The following ALAS2 variants were observed in gnomAD, a reference collection of about 807,000 sequenced individuals.
ALAS2 encodes the protein 5-aminolevulinate synthase, erythroid-specific, mitochondrial.
A neutral mutation model predicts 33.7 loss-of-function variants in ALAS2; 3 were observed. The ratio of observed to expected loss-of-function variants is 0.09; its 90% CI spans 0.04 to 0.23. The LOEUF is 0.23. Among genes scored for constraint, ALAS2 ranks in the 10% least tolerant of loss-of-function variants. ALAS2 has a pLI of 1.00. For missense variants in ALAS2, 304 were observed against 475.1 expected, an observed-to-expected ratio of 0.64 and a Z score of 3.35; for synonymous variants, 191 against 177.3, an observed-to-expected ratio of 1.08 and a Z score of -0.61.
At chrX:55,021,716 C>T (rs1283201357) in intron 4 of ALAS2, among the ~76,000 whole-genome samples, 1 of 111,703 alleles carries the variant, frequency 9.0e-6, no homozygotes, top group African/African-American at 3.3e-5. Context: ...TAATACTTTC[C>T]TTGGAGAGTT....
intron 3 of ALAS2, 29 bp downstream of exon 3, chrX:55,024,689 G>C: frequency 8.3e-7 from 1 of 1,210,197 alleles, no homozygotes. Context: ...TAGGAGTAAA[G>C]GTTGCATAAG....
At chrX:55,027,386 AG>A (rs1935909461) in intron 1 of ALAS2, among the ~76,000 whole-genome samples, 1 of 110,496 alleles carries the variant, frequency 9.1e-6, no homozygotes, top group Admixed American at 9.7e-5. Context: ...ACAAGATCAA[AG>A]GATAGAGACA....
At chrX:55,014,542 A>G (rs1454830791) in intron 9 of ALAS2, among the ~76,000 whole-genome samples, 2 of 112,665 alleles carry the variant, frequency 1.8e-5, no homozygotes, top group Non-Finnish European at 3.7e-5. Context: ...TCTAATAAGC[A>G]TGAGGTAATG....
intron 1 of ALAS2, 31 bp from the exon 2 acceptor site, chrX:55,026,046 A>T (rs777444287): frequency 3.2e-5 from 37 of 1,173,772 alleles, no homozygotes; most frequent in Non-Finnish European, 4.1e-5. Flanking sequence ...ATGAGGTTCC[A>T]TCATGAGGGC....
At chrX:55,022,742 A>G (rs895285811) in intron 4 of ALAS2, among the ~76,000 whole-genome samples, 2 of 111,832 alleles carry the variant, frequency 1.8e-5, no homozygotes, top group African/African-American at 6.5e-5. Flanking sequence ...ACTGTTTGTA[A>G]TAGAAAAAAT....
At chrX:55,020,863 C>T (rs1402039513) in intron 5 of ALAS2, among the ~76,000 whole-genome samples, 189 bp downstream of exon 5, 2 of 111,949 alleles carry the variant, frequency 1.8e-5, no homozygotes, top group Admixed American at 9.4e-5. Context: ...CATTGGACAC[C>T]GAAGAGTTTG....
chrX:55,018,947 A>G (rs1370555132), intron 6 of ALAS2, among the ~76,000 whole-genome samples: 1 of 111,537 alleles, frequency 9.0e-6, no homozygotes, highest in African/African-American at 3.3e-5. Context: ...GGATGGACTA[A>G]AAACAACTTA....
chrX:55,026,113 G>T, intron 1 of ALAS2, 98 bp from the exon 2 acceptor site: 1 of 762,061 alleles, frequency 1.3e-6, no homozygotes, highest in Non-Finnish European at 1.9e-6. Flanking sequence ...AAAACTTGCT[G>T]CCTCCGAGAT....
rs1935625157 is a variant in ALAS2, at chrX:55,012,816, CAAACAA to C, written c.1600+664_1600+669del. ...TCAAAAAAACAAAAACAAAAACAAA[CAAACAA>C]AAACAAAACTACCCAACAGAAATCC... On this transcript the variant is annotated intron_variant, in intron 10 of 10. Transcript: ENST00000650242. 7.2e-5 allele frequency among the ~76,000 whole-genome samples: 8 copies of C among 111,748 alleles called. No individual in the cohort carries two copies. In the South Asian group the frequency reaches 3.0e-3, roughly 42 times the overall value.
chrX:55,023,967 G>A, intron 3 of ALAS2, 100 bp from the exon 4 acceptor site: 1 of 693,166 alleles, frequency 1.4e-6, no homozygotes, highest in Admixed American at 2.6e-5. Flanking sequence ...GAAAATTCAA[G>A]TTTATAAGGT....
intron 10 of ALAS2, 44 bp from the exon 11 acceptor site, chrX:55,009,387 A>G (rs1935561422): frequency 8.8e-7 from 1 of 1,139,210 alleles, no homozygotes; most frequent in South Asian, 2.0e-5. Flanking sequence ...GGGTTAGACT[A>G]GATCTTCCAA....
chrX:55,019,135 A>G (rs1159368260), intron 6 of ALAS2, among the ~76,000 whole-genome samples: 1 of 110,230 alleles, frequency 9.1e-6, no homozygotes, highest in Non-Finnish European at 1.9e-5. Context: ...GTAGCTAGAG[A>G]GTGATCAGGG....
chrX:55,021,975 C>G (rs1349734588), intron 4 of ALAS2, among the ~76,000 whole-genome samples: 3 of 112,004 alleles, frequency 2.7e-5, no homozygotes, highest in Non-Finnish European at 5.6e-5. Context: ...ATTAGTATCT[C>G]CATTTTACAG....
At chrX:55,027,056 C>T (rs1312214363) in intron 1 of ALAS2, among the ~76,000 whole-genome samples, 8 of 107,543 alleles carry the variant, frequency 7.4e-5, no homozygotes, top group African/African-American at 2.7e-4. Context: ...GAGATTGAGT[C>T]GAGAGAAAGA....
intron 1 of ALAS2, among the ~76,000 whole-genome samples, chrX:55,028,104 T>A (rs1217233744): frequency 9.0e-6 from 1 of 111,539 alleles, no homozygotes. Context: ...GGTAAGGAAT[T>A]GGATCCAGTG....
intron 8 of ALAS2, 68 bp downstream of exon 8, chrX:55,015,510 G>T: frequency 8.6e-7 from 1 of 1,157,763 alleles, no homozygotes; most frequent in Non-Finnish European, 1.2e-6. Context: ...TGGGGAGGAG[G>T]CAGAAAAGAA....
In ALAS2 at chrX:55,013,667, C is replaced by A. The variant is rs199765340; in HGVS notation, c.1438-19G>T. On this transcript the variant is annotated intron_variant, in intron 9 of 10. Transcript: ENST00000650242. Reference sequence around the variant, plus strand: ...TGCCCACCTGGACTCAGGAGAAAGGCTAATCAGTACCTGCCACTCTGGCTC... The same window carrying A: ...TGCCCACCTGGACTCAGGAGAAAGGATAATCAGTACCTGCCACTCTGGCTC... 1 of 1,208,873 alleles carries A rather than the reference C, an allele frequency of 8.3e-7. No individual in the cohort carries two copies. Among genetic ancestry groups the A allele is most frequent in the East Asian group, 3.0e-5 (1 of 33,796 alleles).
At position 55,030,051 on chromosome X, in the gene ALAS2, T is replaced by C. The variant is rs187969175; in HGVS notation, c.-16+891A>G. Among the ~76,000 whole-genome samples, 391 of 105,157 alleles carry C rather than the reference T, an allele frequency of 3.7e-3. 2 individuals are homozygous for C. The highest frequency in any genetic ancestry group is 0.012 in the African/African-American group (357 of 28,736). The allele number at this position is 105,157 out of a possible 115,157, so 91.3% of individuals were successfully genotyped here. ...AGGAGTTGGAAACATCAGGCCTTAC[T>C]TCTCTTCCTAGTACCCCTTTCCCAC... On this transcript the variant is annotated intron_variant, in intron 1 of 10. Transcript: ENST00000650242.
chrX:55,018,580 T>C (rs1447557650), intron 6 of ALAS2, among the ~76,000 whole-genome samples: 1 of 111,980 alleles, frequency 8.9e-6, no homozygotes, highest in East Asian at 2.8e-4. Flanking sequence ...AATAAACTGA[T>C]GACAGATTTA....
Sources: gnomAD v4.1 joint callset for allele counts (sites outside exome capture counted in the v4.1 genomes callset) on GRCh38, gnomAD v4.1.1 for gene constraint, MANE v1.5 for transcripts, NCBI Gene and HGNC (gene_info 2026-07-23, HGNC 2026-07-21) for gene names.